The following ZNF333 variants were observed in gnomAD, a reference collection of about 807,000 sequenced individuals.
ZNF333 encodes zinc finger protein 333.
A neutral mutation model predicts 76.1 loss-of-function variants in ZNF333; 61 were observed. The ratio of observed to expected loss-of-function variants is 0.80; its 90% confidence interval spans 0.65 to 0.99. The LOEUF (loss-of-function observed/expected upper bound fraction) is 0.99. Among genes scored for constraint, ZNF333 ranks in the 50% least tolerant of loss-of-function variants. The pLI is 0.00. For synonymous variants in ZNF333, 284 were observed against 305.0 expected, an observed-to-expected ratio of 0.93 and a Z score of 0.72; for missense variants, 717 against 822.4, an observed-to-expected ratio of 0.87 and a Z score of 1.57.
rs552119041 is a variant in ZNF333, at chr19:14,695,680, G to C, written c.223+19G>C. The C allele has an allele frequency of 6.2e-7, 1 of 1,612,168 alleles. No homozygotes were observed. Among genetic ancestry groups the C allele is most frequent in the African/African-American group, 1.3e-5 (1 of 75,016 alleles). On this transcript the variant is annotated intron_variant, in intron 4 of 11. Transcript: ENST00000292530. ...GGTGTTGGTGAGTACCAGGCAGGCT[G>C]TGGATCCCCCGACCCCCCTGGTTGG...
rs779645249 is a variant in ZNF333, at chr19:14,717,745, C to T, written c.900+12C>T. 7 of 1,612,376 alleles carry T rather than the reference C, an allele frequency of 4.3e-6. No individual in the cohort carries two copies. Among genetic ancestry groups the T allele is most frequent in the Non-Finnish European group, 5.9e-6 (7 of 1,178,504 alleles). On this transcript the variant is annotated intron_variant, in intron 11 of 11. Transcript: ENST00000292530. ...TTGATGTGAAAGGGGTAAGGCTCACCAGGGATTATTCATGGTTCTCTATAG... is the reference window on the plus strand; with the variant it reads ...TTGATGTGAAAGGGGTAAGGCTCACTAGGGATTATTCATGGTTCTCTATAG...
Position 14,719,312 on chromosome 19 carries a change from C to T in ZNF333, c.1985C>T (p.Pro662Leu). 3 of 1,597,752 alleles carry T rather than the reference C, an allele frequency of 1.9e-6. No individual in the cohort carries two copies. Among genetic ancestry groups the T allele is most frequent in the Non-Finnish European group, 2.6e-6 (3 of 1,172,736 alleles). Residue 662 changes from proline to leucine, a missense_variant, in exon 12 of 12, where the codon CCC becomes CTC. Physicochemically the swap from Pro to Leu is moderately conservative, Grantham distance 98. Transcript: ENST00000292530. ...TCCATGTCTCATCCATACTGTGGGC[C>T]CCTTGCTAATTAACTTCCATTTTGT... Reference protein sequence around the residue: ...PLSMSHPYCGPLAN With the variant: ...PLSMSHPYCGLLAN
At chr19:14,703,013 G>C (rs1387456834) in intron 5 of ZNF333, among the ~76,000 whole-genome samples, 1 of 151,864 alleles carries the variant, frequency 6.6e-6, no homozygotes. Flanking sequence ...GACCATCCTG[G>C]CTAACATGGT....
Position 14,699,264 on chromosome 19 carries a change from TC to T in ZNF333, c.291del (p.Arg98GlyfsTer11). 1 of 1,613,896 alleles carries T rather than the reference TC, an allele frequency of 6.2e-7. No individual in the cohort carries two copies. The highest frequency in any genetic ancestry group is 8.5e-7 in the Non-Finnish European group (1 of 1,179,860). ...GCAGGATCTTTTGGAAGAAGCATCC[TC>T]CAGGGACATGCAAATGGTAAGATGC... is the stretch of plus-strand genomic sequence containing the variant. The part of the protein sequence containing the change: ...SMQDLLEEAS[S>X]RDMQMGPGLF... On this transcript the variant is annotated frameshift_variant, in exon 5 of 12. Coordinates refer to ENST00000292530, the MANE Select transcript of ZNF333 (RefSeq NM_032433.4). LOFTEE classifies it high-confidence loss of function.
chr19:14,726,216 C>T (rs112624962), downstream of ZNF333, among the ~76,000 whole-genome samples: 3,010 of 152,264 alleles, frequency 0.02, 97 homozygotes, highest in African/African-American at 0.069. Flanking sequence ...GTGGCTGGAA[C>T]GTGGAGAATG....
At chr19:14,707,574 C>T (rs1458724434) in intron 7 of ZNF333, among the ~76,000 whole-genome samples, 95 of 108,852 alleles carry the variant, frequency 8.7e-4, no homozygotes, top group African/African-American at 2.8e-3. Context: ...TTTTTTGAGA[C>T]GGAGTCTCAC....
intron 5 of ZNF333, among the ~76,000 whole-genome samples, chr19:14,703,294 A>T (rs2042015934): frequency 6.6e-6 from 1 of 151,842 alleles, no homozygotes; most frequent in African/African-American, 2.4e-5. Flanking sequence ...TCCATGATTC[A>T]ATTACCTCCC....
chr19:14,715,369 C>A lies in ZNF333; in HGVS notation c.512-13C>A. ...CAGGCACCAACCCTCATGCCTCTTC[C>A]CTTCTCCCCTAGCTGTGCCTGCACG... is the stretch of plus-strand genomic sequence containing the variant. On this transcript the variant is annotated splice_polypyrimidine_tract_variant and intron_variant, in intron 7 of 11. Transcript: ENST00000292530. 6.2e-7 allele frequency: 1 copy of A among 1,613,286 alleles called. No individual in the cohort carries two copies. Among genetic ancestry groups the A allele is most frequent in the South Asian group, 1.1e-5 (1 of 91,022 alleles).
intron 7 of ZNF333, among the ~76,000 whole-genome samples, chr19:14,710,400 T>G (rs900409798): frequency 3.3e-5 from 5 of 152,268 alleles, no homozygotes; most frequent in African/African-American, 1.2e-4. Flanking sequence ...ACCACCCCAG[T>G]CTTGATGATC....
chr19:14,699,591 G>C (rs1973534977), intron 5 of ZNF333, among the ~76,000 whole-genome samples: 1 of 151,642 alleles, frequency 6.6e-6, no homozygotes, highest in Non-Finnish European at 1.5e-5. Context: ...CTCCCGAGTA[G>C]TTGGGACTGC....
At chr19:14,715,137 C>CTG (rs562257673) in intron 7 of ZNF333, 6 of 445,324 alleles carry the variant, frequency 1.3e-5, no homozygotes, top group Middle Eastern at 7.0e-4. Context: ...TGGTATGTAA[C>CTG]TGTGTATATG....
chr19:14,697,357 C>CTTTTTTTTTTTTTT (rs139125023), intron 4 of ZNF333, among the ~76,000 whole-genome samples: 41 of 90,808 alleles, frequency 4.5e-4, no homozygotes, highest in Non-Finnish European at 6.4e-4. Flanking sequence ...TTTTTCTTTT[C>CTTTTTTTTTTTTTT]TTTTTTTTTT....
chr19:14,717,830 C>A, intron 11 of ZNF333, 97 bp downstream of exon 11: 1 of 1,235,762 alleles, frequency 8.1e-7, no homozygotes, highest in South Asian at 1.3e-5. Context: ...AAGAGCGATT[C>A]GAGGCAAGAA....
intron 11 of ZNF333, among the ~76,000 whole-genome samples, chr19:14,728,039 G>A (rs1450889482): frequency 2.0e-5 from 3 of 152,128 alleles, no homozygotes; most frequent in Non-Finnish European, 4.4e-5. Context: ...TGGCTAACAC[G>A]GTGAAACCCC....
intron 1 of ZNF333, among the ~76,000 whole-genome samples, chr19:14,691,741 A>G (rs1160263737): frequency 2.0e-5 from 3 of 148,632 alleles, no homozygotes; most frequent in East Asian, 4.0e-4. Context: ...CAGTGGCACA[A>G]TCTCGGCTCA....
downstream of ZNF333, among the ~76,000 whole-genome samples, chr19:14,722,589 A>T (rs2042602392): frequency 6.6e-6 from 1 of 152,178 alleles, no homozygotes; most frequent in African/African-American, 2.4e-5. Flanking sequence ...GTATCCTTTG[A>T]TATGCAGAAG....
At chr19:14,697,139 C>T (rs1030165440) in intron 4 of ZNF333, among the ~76,000 whole-genome samples, 6 of 152,158 alleles carry the variant, frequency 3.9e-5, no homozygotes, top group Non-Finnish European at 7.3e-5. Context: ...CAGTATCTGT[C>T]TTCTTTCACT....
chr19:14,717,541 T>C (rs1461487877), intron 10 of ZNF333, 116 bp from the exon 11 acceptor site: 2 of 822,524 alleles, frequency 2.4e-6, no homozygotes, highest in Non-Finnish European at 4.0e-6. Context: ...TTCCCGTACA[T>C]AGGACCAGTA....
At position 14,699,184 on chromosome 19, in the gene ZNF333, T is replaced by C. The variant is rs199521603; in HGVS notation, c.224-15T>C. ...CTTTCTGAAAGGAGTTCATTTTTTC[T>C]CCCATTCATTTCAGCCTGGGAATCT... On this transcript the variant is annotated splice_polypyrimidine_tract_variant and intron_variant, in intron 4 of 11. Transcript: ENST00000292530. The C allele has an allele frequency of 5.6e-6, 9 of 1,608,770 alleles. No homozygotes were observed. Among genetic ancestry groups the C allele is most frequent in the Non-Finnish European group, 6.8e-6 (8 of 1,175,446 alleles).
Sources: gnomAD v4.1 joint callset for allele counts (sites outside exome capture counted in the v4.1 genomes callset) on GRCh38, gnomAD v4.1.1 for gene constraint, MANE v1.5 for transcripts, NCBI Gene and HGNC (gene_info 2026-07-23, HGNC 2026-07-21) for gene names.